Variants in DNAI7 observed in about 807,000 individuals in gnomAD.
The protein encoded by DNAI7 is cancer susceptibility 1.
A neutral mutation model predicts 86.6 loss-of-function variants in DNAI7; 78 were observed. That is an observed-to-expected ratio of 0.90 (90% CI 0.75 to 1.09). DNAI7 has a LOEUF of 1.09. Among genes scored for constraint, DNAI7 ranks in the 50% least tolerant of loss-of-function variants. The probability of loss-of-function intolerance (pLI) is 0.00; values close to 1 mark genes in which losing one functional copy is unlikely to be tolerated. For missense variants in DNAI7, 753 were observed against 810.2 expected, an observed-to-expected ratio of 0.93 and a Z score of 0.86; for synonymous variants, 274 against 273.0, an observed-to-expected ratio of 1.00 and a Z score of -0.04.
At chr12:25,193,591 T>C (rs1450798461) in intron 1 of DNAI7, among the ~76,000 whole-genome samples, 1 of 152,160 alleles carries the variant, frequency 6.6e-6, no homozygotes, top group Non-Finnish European at 1.5e-5. Context: ...GTTGAGTGGG[T>C]TCCTGGAATC....
intron 2 of DNAI7, among the ~76,000 whole-genome samples, chr12:25,181,482 G>A (rs1049990795): frequency 1.3e-5 from 2 of 152,056 alleles, no homozygotes; most frequent in African/African-American, 4.8e-5. Context: ...CATTGGCCTA[G>A]GCAAATAATT....
chr12:25,108,492 C>CCTGT lies in DNAI7; in HGVS notation c.*52_*55dup. 6.9e-7 allele frequency: 1 copy of CCTGT among 1,442,604 alleles called. No homozygotes were observed. Among genetic ancestry groups the CCTGT allele is most frequent in the Non-Finnish European group, 9.4e-7 (1 of 1,059,042 alleles). The allele number at this position is 1,442,604 out of a possible 1,614,324, so 89.4% of individuals were successfully genotyped here. A position where few individuals can be genotyped will look rare whatever the true frequency, so the allele number is the denominator to read the frequency against. On this transcript the variant is annotated 3_prime_UTR_variant, in exon 16 of 16. Coordinates refer to ENST00000395987, the MANE Select transcript of DNAI7 (RefSeq NM_018272.5). The stretch of plus-strand genomic sequence containing the variant: ...CTCATTACATTGTGTTGCAGAAATA[C>CCTGT]CTGTCTTTCACCATGCTTGGTTCTT...
At chr12:25,153,161 G>C (rs1945759245) in intron 6 of DNAI7, among the ~76,000 whole-genome samples, 1 of 152,134 alleles carries the variant, frequency 6.6e-6, no homozygotes, top group Non-Finnish European at 1.5e-5. Context: ...GCTAGGTGCA[G>C]TGGTAATCCT....
At chr12:25,168,960 G>C (rs1947811196) in intron 2 of DNAI7, among the ~76,000 whole-genome samples, 1 of 151,974 alleles carries the variant, frequency 6.6e-6, no homozygotes, top group South Asian at 2.1e-4. Context: ...TCCCACTCTA[G>C]GTTCCCATGC....
chr12:25,160,181 C>T (rs1317374137), intron 3 of DNAI7, among the ~76,000 whole-genome samples: 1 of 151,932 alleles, frequency 6.6e-6, no homozygotes, highest in Non-Finnish European at 1.5e-5. Context: ...AATTCCAATG[C>T]TCCTAATTTC....
intron 6 of DNAI7, among the ~76,000 whole-genome samples, chr12:25,150,601 C>CAAAAA (rs58511191): frequency 9.1e-4 from 81 of 88,970 alleles, no homozygotes; most frequent in Non-Finnish European, 1.3e-3. Context: ...GACTCTGTCT[C>CAAAAA]AAAAAAAAAA....
At chr12:25,180,309 ATAATCCATGCTCACGGAT>A (rs1949382554) in intron 2 of DNAI7, among the ~76,000 whole-genome samples, 1 of 152,242 alleles carries the variant, frequency 6.6e-6, no homozygotes, top group Non-Finnish European at 1.5e-5. Flanking sequence ...AAATGGAAAA[ATAATCCATGCTCACGGAT>A]TAGAAGAATC....
At chr12:25,135,037 CTT>C (rs1943380221) in intron 9 of DNAI7, among the ~76,000 whole-genome samples, 1 of 152,160 alleles carries the variant, frequency 6.6e-6, no homozygotes, top group African/African-American at 2.4e-5. Context: ...ACATCATGAA[CTT>C]TTGCTCCAAG....
chr12:25,121,682 G>A, intron 11 of DNAI7, 71 bp downstream of exon 11: 2 of 1,231,752 alleles, frequency 1.6e-6, no homozygotes, highest in Non-Finnish European at 2.3e-6. Flanking sequence ...TTAGATGTTA[G>A]ATAATATGAA....
At chr12:25,142,724 C>T (rs556269957) in intron 9 of DNAI7, among the ~76,000 whole-genome samples, 1 of 152,270 alleles carries the variant, frequency 6.6e-6, no homozygotes, top group Non-Finnish European at 1.5e-5. Context: ...TATAAAATCA[C>T]AAATCCTCCC....
chr12:25,119,288 C>A lies in DNAI7; in HGVS notation c.1253G>T (p.Gly418Val). ...CGGAGGATATGTGTATTTCTGTAAT[C>A]CTTCTTTGAGTATCTTTTTAAAATG... is the stretch of plus-strand genomic sequence containing the variant. ...GWMIVEILKE[G>V]LQKYTYPPET... The change falls in exon 12 of 16, where the codon GGA becomes GTA. Residue 418 changes from glycine (G) to valine (V), a missense_variant. Physicochemically the swap from Gly to Val is moderately radical, Grantham distance 109 (BLOSUM62 -3). Coordinates refer to ENST00000395987, the MANE Select transcript of DNAI7 (RefSeq NM_018272.5). 6.2e-7 allele frequency: 1 copy of A among 1,603,172 alleles called. No individual in the cohort carries two copies. The highest frequency in any genetic ancestry group is 1.1e-5 in the South Asian group (1 of 88,080).
chr12:25,167,829 C>T (rs1198816934), intron 2 of DNAI7, among the ~76,000 whole-genome samples: 1 of 152,148 alleles, frequency 6.6e-6, no homozygotes, highest in Non-Finnish European at 1.5e-5. Flanking sequence ...CTCTACTCCC[C>T]ACATATTTGG....
chr12:25,145,806 A>T (rs1033937519), intron 8 of DNAI7, among the ~76,000 whole-genome samples: 1 of 152,222 alleles, frequency 6.6e-6, no homozygotes, highest in East Asian at 1.9e-4. Context: ...ATGTTTAAAG[A>T]TCAAGCAGCA....
intron 2 of DNAI7, among the ~76,000 whole-genome samples, chr12:25,164,854 C>A (rs1947266892): frequency 1.3e-5 from 2 of 151,638 alleles, no homozygotes; most frequent in South Asian, 4.2e-4. Context: ...AGCCTCCACT[C>A]CTCCACCCTA....
At chr12:25,163,011 T>A (rs2141046795) in intron 2 of DNAI7, among the ~76,000 whole-genome samples, 1 of 152,362 alleles carries the variant, frequency 6.6e-6, no homozygotes, top group East Asian at 1.9e-4. Flanking sequence ...AAGGGAGCGA[T>A]CTGCTCCTGT....
At chr12:25,171,267 C>G (rs978692357) in intron 2 of DNAI7, among the ~76,000 whole-genome samples, 1 of 151,994 alleles carries the variant, frequency 6.6e-6, no homozygotes, top group Admixed American at 6.6e-5. Context: ...TCCAAATAAT[C>G]TCACTAAGAA....
intron 9 of DNAI7, among the ~76,000 whole-genome samples, chr12:25,124,912 A>C (rs1941894704): frequency 7.7e-6 from 1 of 129,706 alleles, no homozygotes; most frequent in Admixed American, 8.1e-5. Flanking sequence ...TAAGGATAAT[A>C]GCCTTCAGCT....
Position 25,119,242 on chromosome 12 carries a change from C to T in DNAI7, c.1299G>A (p.Glu433=). ...TYPPETTEEF[E]TENAFPPIEV... ...CTATAGGTGGGAAAGCATTTTCTGTCTCAAACTCTTCTGTAGTTTCCGGAG... is the reference window on the plus strand; with the variant it reads ...CTATAGGTGGGAAAGCATTTTCTGTTTCAAACTCTTCTGTAGTTTCCGGAG... Residue 433 remains glutamate, a synonymous_variant, in exon 12 of 16, where the codon GAG becomes GAA. Coordinates refer to ENST00000395987, the MANE Select transcript of DNAI7 (RefSeq NM_018272.5). 2 of 1,612,452 alleles carry T rather than the reference C, an allele frequency of 1.2e-6. No homozygotes were observed. The highest frequency in any genetic ancestry group is 1.1e-5 in the South Asian group (1 of 90,930).
chr12:25,150,821 T>C (rs1359689982), intron 6 of DNAI7, among the ~76,000 whole-genome samples: 1 of 151,940 alleles, frequency 6.6e-6, no homozygotes, highest in Non-Finnish European at 1.5e-5. Flanking sequence ...GACTGAGAGA[T>C]AATAGAAAAA....
Sources: gnomAD v4.1 joint callset for allele counts (sites outside exome capture counted in the v4.1 genomes callset) on GRCh38, gnomAD v4.1.1 for gene constraint, MANE v1.5 for transcripts, NCBI Gene and HGNC (gene_info 2026-07-23, HGNC 2026-07-21) for gene names.